Variants in FAM227B observed in about 807,000 individuals in gnomAD.
FAM227B encodes protein FAM227B.
In FAM227B, 88 loss-of-function variants were observed where a neutral mutation model predicts 73.8. That is an observed-to-expected ratio of 1.19 (90% confidence interval 1.00 to 1.42). The LOEUF is 1.42. Among genes scored for constraint, FAM227B ranks in the 40% most tolerant of loss-of-function variants. The pLI is 0.00. For synonymous variants in FAM227B, 210 were observed against 190.5 expected, an observed-to-expected ratio of 1.10 and a Z score of -0.84; for missense variants, 632 against 590.9, an observed-to-expected ratio of 1.07 and a Z score of -0.72.
intron 11 of FAM227B, among the ~76,000 whole-genome samples, chr15:49,461,447 T>C (rs1406839392): frequency 2.6e-5 from 4 of 152,246 alleles, no homozygotes; most frequent in Admixed American, 2.0e-4. Flanking sequence ...GTGGCTTATC[T>C]GACATCATGT....
At chr15:49,520,484 T>C (rs2059703632) in intron 10 of FAM227B, among the ~76,000 whole-genome samples, 1 of 152,188 alleles carries the variant, frequency 6.6e-6, no homozygotes, top group East Asian at 1.9e-4. Flanking sequence ...TCTGTTATCA[T>C]ACTGCTGTGA....
chr15:49,375,405 A>G (rs2151494298), intron 11 of FAM227B, among the ~76,000 whole-genome samples: 1 of 152,182 alleles, frequency 6.6e-6, no homozygotes, highest in East Asian at 1.9e-4. Context: ...TTTATCCATT[A>G]TTTCTTACTA....
intron 11 of FAM227B, among the ~76,000 whole-genome samples, chr15:49,388,761 T>C (rs1052092620): frequency 4.6e-5 from 7 of 152,000 alleles, no homozygotes; most frequent in Admixed American, 3.3e-4. Flanking sequence ...GTATCCAGAA[T>C]GTACAAGGAA....
chr15:49,476,162 C>T (rs1355429047), intron 11 of FAM227B, among the ~76,000 whole-genome samples: 1 of 150,246 alleles, frequency 6.7e-6, no homozygotes, highest in Non-Finnish European at 1.5e-5. Flanking sequence ...CTCAAATCCT[C>T]CGTTGACCAC....
intron 5 of FAM227B, among the ~76,000 whole-genome samples, chr15:49,583,981 A>C (rs529996529): frequency 2.6e-5 from 4 of 152,298 alleles, no homozygotes; most frequent in Admixed American, 2.0e-4. Context: ...CAAAAACTTA[A>C]GGAAGAAGGA....
intron 9 of FAM227B, 119 bp downstream of exon 9, chr15:49,568,126 C>A: frequency 1.2e-6 from 1 of 803,624 alleles, no homozygotes; most frequent in Non-Finnish European, 1.9e-6. Flanking sequence ...ATACTCTACA[C>A]CAACTTTGCT....
At chr15:49,568,851 C>G (rs531164904) in intron 8 of FAM227B, among the ~76,000 whole-genome samples, 1 of 151,988 alleles carries the variant, frequency 6.6e-6, no homozygotes, top group South Asian at 2.1e-4. Flanking sequence ...CTTTTTATTG[C>G]AGTGTCTTTT....
intron 9 of FAM227B, among the ~76,000 whole-genome samples, chr15:49,557,873 A>C (rs1329499595): frequency 6.6e-6 from 1 of 152,236 alleles, no homozygotes; most frequent in Non-Finnish European, 1.5e-5. Context: ...TGAGTAGTCC[A>C]GTGCCATCTG....
chr15:49,459,048 C>G (rs1369187185), intron 11 of FAM227B, among the ~76,000 whole-genome samples: 6 of 152,174 alleles, frequency 3.9e-5, no homozygotes, highest in Non-Finnish European at 5.9e-5. Flanking sequence ...ATAACTAATA[C>G]TCAACTAATA....
chr15:49,507,789 T>C (rs543886094), intron 11 of FAM227B, among the ~76,000 whole-genome samples: 8 of 152,210 alleles, frequency 5.3e-5, no homozygotes, highest in Non-Finnish European at 2.9e-5. Flanking sequence ...GTTAAATTTA[T>C]ATGGAAATTT....
intron 10 of FAM227B, among the ~76,000 whole-genome samples, chr15:49,526,556 G>A (rs1255046690): frequency 1.3e-5 from 2 of 152,006 alleles, no homozygotes; most frequent in African/African-American, 4.8e-5. Flanking sequence ...AAGAGCAGAA[G>A]TGAATGTAAT....
At chr15:49,342,160 CTA>C (rs2040836182) in intron 13 of FAM227B, among the ~76,000 whole-genome samples, 1 of 152,030 alleles carries the variant, frequency 6.6e-6, no homozygotes, top group Non-Finnish European at 1.5e-5. Flanking sequence ...TATTGTGTGA[CTA>C]TTTCTTTTTG....
intron 3 of FAM227B, among the ~76,000 whole-genome samples, chr15:49,605,571 A>T (rs1259732135): frequency 6.6e-6 from 1 of 151,748 alleles, no homozygotes; most frequent in African/African-American, 2.4e-5. Flanking sequence ...TGGTTCCTGG[A>T]CTTGTGGGGT....
At chr15:49,489,814 T>C (rs1406206950) in intron 11 of FAM227B, among the ~76,000 whole-genome samples, 1 of 54,786 alleles carries the variant, frequency 1.8e-5, no homozygotes, top group Non-Finnish European at 3.3e-5. Context: ...TATATATATA[T>C]ATATATTTTA....
At position 49,577,664 on chromosome 15, in the gene FAM227B, G is replaced by A. The variant is rs757265347; in HGVS notation, c.406C>T (p.Leu136Phe). ...KKYHKKKKIMLSDEMETEKNI... is the reference protein window; with the variant it reads ...KKYHKKKKIMFSDEMETEKNI... Reference sequence around the variant, plus strand: ...TTCTCTGTCTCCATTTCATCTGAAAGCTGGAAAACATTTTAAATAAACTCT... The same window carrying A: ...TTCTCTGTCTCCATTTCATCTGAAAACTGGAAAACATTTTAAATAAACTCT... The change falls in exon 6 of 16, where the codon CTT (leucine) becomes TTT (phenylalanine). Residue 136 changes from leucine (L) to phenylalanine (F), a missense_variant and splice_region_variant. Physicochemically the swap from Leu to Phe is conservative, Grantham distance 22. Coordinates refer to ENST00000299338, the MANE Select transcript of FAM227B (RefSeq NM_152647.3). 6 of 1,551,814 alleles carry A rather than the reference G, an allele frequency of 3.9e-6. No homozygotes were observed. In the African/African-American group the frequency reaches 5.5e-5, roughly 14 times the overall value.
rs1182333224 is a variant in FAM227B, at chr15:49,371,358, C to T, written c.1054G>A (p.Ala352Thr). The T allele has an allele frequency of 4.4e-6, 7 of 1,602,414 alleles. No individual in the cohort carries two copies. Among genetic ancestry groups the T allele is most frequent in the Non-Finnish European group, 4.3e-6 (5 of 1,172,146 alleles). The change falls in exon 12 of 16, where the codon GCA becomes ACA. Residue 352 changes from alanine to threonine, a missense_variant. Ala to Thr is a moderately conservative substitution (Grantham distance 58). Transcript: ENST00000299338. ...TCCTTGGATATGGGCAACGTATATG[C>T]TCTTGGGTTGTTCAGAATCTTTATA... ...NIIKILNNPR[A>T]YTLPISKEES...
chr15:49,349,805 CA>C (rs1361297769), intron 13 of FAM227B, among the ~76,000 whole-genome samples: 2 of 151,782 alleles, frequency 1.3e-5, no homozygotes, highest in African/African-American at 2.4e-5. Flanking sequence ...GTGTATGGAC[CA>C]AAACTCTGCA....
intron 13 of FAM227B, chr15:49,365,584 C>T: frequency 2.2e-6 from 2 of 922,524 alleles, no homozygotes; most frequent in Non-Finnish European, 3.6e-6. Flanking sequence ...AACCATGATA[C>T]TCTCACCATT....
intron 11 of FAM227B, among the ~76,000 whole-genome samples, chr15:49,384,807 T>G (rs993261385): frequency 6.6e-6 from 1 of 152,028 alleles, no homozygotes; most frequent in Non-Finnish European, 1.5e-5. Flanking sequence ...ATATTTCTCC[T>G]TATCTTATTT....
Sources: allele counts gnomAD v4.1 joint callset (sites outside exome capture counted in the v4.1 genomes callset), GRCh38; gene constraint gnomAD v4.1.1; transcripts MANE v1.5; gene names NCBI Gene and HGNC (gene_info 2026-07-23, HGNC 2026-07-21).